Variants in MDN1 observed in about 807,000 individuals in gnomAD.
The protein encoded by MDN1 is midasin.
MDN1 carries 266 observed loss-of-function variants against 669.2 expected under a neutral mutation model. That is an observed-to-expected ratio of 0.40 (90% confidence interval 0.36 to 0.44). The LOEUF (loss-of-function observed/expected upper bound fraction) is 0.44. MDN1 is among the 20% of genes least tolerant of loss of function. The probability of loss-of-function intolerance (pLI) is 1.00; values close to 1 mark genes in which losing one functional copy is unlikely to be tolerated. For missense variants in MDN1, 5,940 were observed against 6,754.0 expected, an observed-to-expected ratio of 0.88 and a Z score of 4.22; for synonymous variants, 2,385 against 2,457.1, an observed-to-expected ratio of 0.97 and a Z score of 0.87.
intron 74 of MDN1, among the ~76,000 whole-genome samples, chr6:89,679,546 G>T (rs1811457340): frequency 6.6e-6 from 1 of 152,150 alleles, no homozygotes; most frequent in African/African-American, 2.4e-5. Flanking sequence ...ATGAGAATGG[G>T]CTCTAATCTA....
chr6:89,696,440 C>A lies in MDN1; in HGVS notation c.9303G>T (p.Trp3101Cys). The change falls in exon 60 of 102, where the codon TGG (tryptophan) becomes TGT (cysteine). Residue 3101 changes from tryptophan (W) to cysteine (C), a missense_variant. Around this residue, in one of 5 missense-constraint regions of MDN1, gnomAD observed 2,292 missense variants for 2,638.3 expected, o/e 0.87. Transcript: ENST00000369393. ...LSSSHVTLGE[W>C]VERTQQLQDI... ...CCTGGAGCTGCTGAGTTCTCTCAAC[C>A]CACTCTCCTAGGGTCACGTGAGAGG... The A allele has an allele frequency of 6.2e-7, 1 of 1,614,106 alleles. No individual in the cohort carries two copies. Among genetic ancestry groups the A allele is most frequent in the Non-Finnish European group, 8.5e-7 (1 of 1,180,010 alleles).
chr6:89,700,819 A>T lies in MDN1; in HGVS notation c.8465T>A (p.Val2822Asp). 1 of 1,614,162 alleles carries T rather than the reference A, an allele frequency of 6.2e-7. No individual in the cohort carries two copies. Among genetic ancestry groups the T allele is most frequent in the Non-Finnish European group, 8.5e-7 (1 of 1,180,026 alleles). Residue 2822 changes from valine to aspartate, a missense_variant, in exon 56 of 102, where the codon GTC becomes GAC. Val to Asp is a radical substitution (Grantham distance 152). This residue lies in a region of MDN1 where 2,292 missense variants were observed against 2,638.3 expected (regional missense o/e 0.87). Coordinates refer to ENST00000369393, the MANE Select transcript of MDN1 (RefSeq NM_014611.3). Reference protein sequence around the residue: ...LVVECFSQLKVLNKVLAIREQ... With the variant: ...LVVECFSQLKDLNKVLAIREQ... ...CCTGATGGCAAGGACTTTGTTAAGG[A>T]CCTTCAGTTGTGAAAAACACTCCAC...
In MDN1 at chr6:89,800,199, G is replaced by A. The variant is rs555996085; in HGVS notation, c.329+3129C>T. Reference sequence around the variant, plus strand: ...TCCCAGGACTTTGGGAGGCCTAGGAGGGCAGATCACCTGAGATCGGGAGTT... The same window carrying A: ...TCCCAGGACTTTGGGAGGCCTAGGAAGGCAGATCACCTGAGATCGGGAGTT... On this transcript the variant is annotated intron_variant, in intron 2 of 101. Coordinates refer to ENST00000369393, the MANE Select transcript of MDN1 (RefSeq NM_014611.3). 2.8e-3 allele frequency among the ~76,000 whole-genome samples: 422 copies of A among 152,228 alleles called. 1 individual carries two copies. The highest frequency in any genetic ancestry group is 9.7e-3 in the African/African-American group (403 of 41,548).
intron 12 of MDN1, among the ~76,000 whole-genome samples, chr6:89,775,787 G>C (rs1818326037): frequency 1.3e-5 from 2 of 152,174 alleles, no homozygotes; most frequent in Admixed American, 1.3e-4. Context: ...CTAGGTTCAA[G>C]TGATTCTCCT....
Position 89,730,027 on chromosome 6 carries a change from A to G in MDN1, c.5140+699T>C, listed in dbSNP as rs567673871. On this transcript the variant is annotated intron_variant, in intron 35 of 101. Coordinates refer to ENST00000369393, the MANE Select transcript of MDN1 (RefSeq NM_014611.3). ...AGGCATTCATCAATCATTAACATAG[A>G]GAGGGCGGAGGGACAAGAAACAGAT... Among the ~76,000 whole-genome samples, 84 of 152,326 alleles carry G rather than the reference A, an allele frequency of 5.5e-4. 2 individuals carry two copies. In the South Asian group the frequency reaches 5.8e-3, roughly 11 times the overall value.
chr6:89,811,496 G>C (rs901532498), intron 1 of MDN1, among the ~76,000 whole-genome samples: 12 of 151,668 alleles, frequency 7.9e-5, no homozygotes, highest in Non-Finnish European at 1.8e-4. Flanking sequence ...GAGTGCAGTG[G>C]TACGATGTCG....
At position 89,728,094 on chromosome 6, in the gene MDN1, A is replaced by C. The variant is rs1238378642; in HGVS notation, c.5350-139T>G. On this transcript the variant is annotated intron_variant, in intron 36 of 101. Coordinates refer to ENST00000369393, the MANE Select transcript of MDN1 (RefSeq NM_014611.3). Reference sequence around the variant, plus strand: ...TCCTACACCCAAGATAGAACTAACCAATCCCAGCTCTCTTTACCAGGAGCC... The same window carrying C: ...TCCTACACCCAAGATAGAACTAACCCATCCCAGCTCTCTTTACCAGGAGCC... 4.9e-6 allele frequency: 5 copies of C among 1,012,832 alleles called. No homozygotes were observed. In the East Asian group the frequency reaches 1.3e-4, roughly 27 times the overall value. 62.7% of individuals were successfully genotyped at this position (1,012,832 alleles called of 1,614,324 possible).
intron 31 of MDN1, among the ~76,000 whole-genome samples, chr6:89,740,929 A>G: frequency 6.6e-6 from 1 of 152,218 alleles, no homozygotes; most frequent in East Asian, 1.9e-4. Flanking sequence ...AATGATGGAA[A>G]TGTTGTAAAA....
At chr6:89,772,481 T>C in intron 14 of MDN1, 92 bp downstream of exon 14, 1 of 1,454,494 alleles carries the variant, frequency 6.9e-7, no homozygotes, top group Admixed American at 2.0e-5. Flanking sequence ...CTCTTTAAAC[T>C]CTGTGGTCTT....
chr6:89,788,215 C>T (rs1819069775), intron 7 of MDN1, among the ~76,000 whole-genome samples: 1 of 152,094 alleles, frequency 6.6e-6, no homozygotes, highest in Admixed American at 6.6e-5. Context: ...AGGACCAAGG[C>T]TTTAGAGCCT....
rs1817592594 is a variant in MDN1, at chr6:89,762,334, T to C, written c.2341A>G (p.Lys781Glu). The C allele has an allele frequency of 6.2e-7, 1 of 1,614,008 alleles. No individual in the cohort carries two copies. The highest frequency in any genetic ancestry group is 1.3e-5 in the African/African-American group (1 of 75,056). Residue 781 changes from lysine (K) to glutamate (E), a missense_variant, in exon 16 of 102, where the codon AAA becomes GAA. Around this residue, in one of 5 missense-constraint regions of MDN1, gnomAD observed 1,203 missense variants for 1,268.9 expected, o/e 0.95. Transcript: ENST00000369393. ...ACATCCTTACCAGTTTCACTGTCTTTTCCATCCTTGTTAACAGCAGACTTG... is the reference window on the plus strand; with the variant it reads ...ACATCCTTACCAGTTTCACTGTCTTCTCCATCCTTGTTAACAGCAGACTTG... ...VHKSAVNKDG[K>E]DSETGLLIKE...
intron 50 of MDN1, among the ~76,000 whole-genome samples, chr6:89,709,158 CAGG>C (rs946846940): frequency 2.0e-5 from 3 of 152,074 alleles, no homozygotes; most frequent in Admixed American, 1.3e-4. Context: ...TGTGAAGCAG[CAGG>C]AGGAGACTGA....
intron 83 of MDN1, among the ~76,000 whole-genome samples, chr6:89,670,024 G>A (rs968119177): frequency 6.6e-6 from 1 of 150,884 alleles, no homozygotes; most frequent in East Asian, 2.0e-4. Flanking sequence ...CCAATGTGGT[G>A]AAACCCTGTC....
rs771667912 is a variant in MDN1 at position 89,653,108 on chromosome 6, C to A, written c.15709G>T (p.Asp5237Tyr). ...GCTTTGTCTGTTCTGGGGTCTTGGT[C>A]TTCCTCTGTTTTAACAGTTTGGATC... ...VEIQTVKTEE[D>Y]QDPRTDKAHK... Residue 5237 changes from aspartate to tyrosine, a missense_variant, in exon 94 of 102, where the codon GAC becomes TAC. Around this residue, in one of 5 missense-constraint regions of MDN1, gnomAD observed 2,280 missense variants for 2,576.3 expected, o/e 0.88. Coordinates refer to ENST00000369393, the MANE Select transcript of MDN1 (RefSeq NM_014611.3). 1 of 1,613,838 alleles carries A rather than the reference C, an allele frequency of 6.2e-7. No individual in the cohort carries two copies. Among genetic ancestry groups the A allele is most frequent in the African/African-American group, 1.3e-5 (1 of 74,858 alleles).
At chr6:89,760,970 C>T (rs1476344150) in intron 17 of MDN1, among the ~76,000 whole-genome samples, 2 of 152,124 alleles carry the variant, frequency 1.3e-5, no homozygotes, top group Non-Finnish European at 2.9e-5. Context: ...ATCATCCTGG[C>T]TAACACGGTG....
At chr6:89,653,703 G>A (rs560466119) in intron 93 of MDN1, among the ~76,000 whole-genome samples, 1 of 152,330 alleles carries the variant, frequency 6.6e-6, no homozygotes, top group Non-Finnish European at 1.5e-5. Context: ...CATTGCTGAT[G>A]AAGCTATTTT....
At chr6:89,801,290 G>A (rs933608204) in intron 2 of MDN1, among the ~76,000 whole-genome samples, 10 of 152,134 alleles carry the variant, frequency 6.6e-5, no homozygotes, top group Admixed American at 1.3e-4. Context: ...TTGGGAGGCC[G>A]AGGCAGGCAG....
At chr6:89,655,531 CTG>C (rs533850668) in intron 92 of MDN1, among the ~76,000 whole-genome samples, 197 of 152,306 alleles carry the variant, frequency 1.3e-3, no homozygotes, top group African/African-American at 3.8e-3. Context: ...CAAAAACAAA[CTG>C]TATTTCTGCA....
At position 89,723,039 on chromosome 6, in the gene MDN1, G is replaced by A. The variant is rs114985095; in HGVS notation, c.5883C>T (p.Asp1961=). 5.9e-5 allele frequency: 95 copies of A among 1,614,008 alleles called. No homozygotes were observed. In the African/African-American group the frequency reaches 1.1e-3, roughly 19 times the overall value. ...LFRWCQLMLV[D]QSPGCYDPGQ... ...CAGGATCATAACACCCAGGGGACTG[G>A]TCAACCAGCATCAACTGACACCAGC... Residue 1961 remains aspartate (D), a synonymous_variant, in exon 40 of 102, where the codon GAC becomes GAT. Coordinates refer to ENST00000369393, the MANE Select transcript of MDN1 (RefSeq NM_014611.3).
Sources: gnomAD v4.1 joint callset for allele counts (sites outside exome capture counted in the v4.1 genomes callset) on GRCh38, gnomAD v4.1.1 for gene constraint, gnomAD v4.1.1 regional missense constraint, MANE v1.5 for transcripts, NCBI Gene and HGNC (gene_info 2026-07-23, HGNC 2026-07-21) for gene names.